The following ATP10D variants were observed in gnomAD, a reference collection of about 807,000 sequenced individuals.
ATP10D encodes the protein phospholipid-transporting ATPase VD.
In ATP10D, 89 loss-of-function variants were observed where a neutral mutation model predicts 144.8. The ratio of observed to expected loss-of-function variants is 0.61; its 90% CI spans 0.52 to 0.73. The LOEUF (loss-of-function observed/expected upper bound fraction) is 0.73, where lower values mean the gene tolerates loss of function less well. Ranked by LOEUF, ATP10D falls within the 30% of genes least tolerant of loss-of-function variation. The pLI, the probability that ATP10D is intolerant of heterozygous loss-of-function variation, is 0.00. For missense variants in ATP10D, 1,603 were observed against 1,714.8 expected, an observed-to-expected ratio of 0.93 and a Z score of 1.15; for synonymous variants, 571 against 615.1, an observed-to-expected ratio of 0.93 and a Z score of 1.06.
At chr4:47,504,891 A>C (rs1373113858) in intron 1 of ATP10D, among the ~76,000 whole-genome samples, 1 of 152,196 alleles carries the variant, frequency 6.6e-6, no homozygotes, top group African/African-American at 2.4e-5. Flanking sequence ...TTTATTGACT[A>C]TGATAGAGAA....
At chr4:47,532,713 G>A (rs4695243) in intron 5 of ATP10D, among the ~76,000 whole-genome samples, 103,967 of 152,064 alleles carry the variant, frequency 0.68, 36,172 homozygotes, top group East Asian at 0.98. Flanking sequence ...TGATCTTCAT[G>A]CTCTAAGGTA....
intron 6 of ATP10D, 79 bp downstream of exon 6, chr4:47,535,694 A>G: frequency 1.4e-6 from 2 of 1,471,770 alleles, no homozygotes; most frequent in Non-Finnish European, 1.8e-6. Context: ...CAAAAATGCA[A>G]TCTGTTGAAG....
At chr4:47,548,766 C>A (rs1000513584) in intron 10 of ATP10D, among the ~76,000 whole-genome samples, 1 of 152,144 alleles carries the variant, frequency 6.6e-6, no homozygotes, top group Non-Finnish European at 1.5e-5. Flanking sequence ...TTATGGTCTT[C>A]CTCAATGTAT....
At chr4:47,529,476 C>G (rs1717444353) in intron 5 of ATP10D, among the ~76,000 whole-genome samples, 1 of 152,090 alleles carries the variant, frequency 6.6e-6, no homozygotes, top group African/African-American at 2.4e-5. Flanking sequence ...TCTGGGTGCT[C>G]TATTCTTTTC....
In ATP10D at chr4:47,529,188, G is replaced by A. The variant is rs189908815; in HGVS notation, c.776+3546G>A. Reference sequence around the variant, plus strand: ...TTTTTGTTTTGTTGCATTTGCTTTCGAAGTCTTAATCATAAATTCTTTGGT... The same window carrying A: ...TTTTTGTTTTGTTGCATTTGCTTTCAAAGTCTTAATCATAAATTCTTTGGT... On this transcript the variant is annotated intron_variant, in intron 5 of 22. Coordinates refer to ENST00000273859, the MANE Select transcript of ATP10D (RefSeq NM_020453.4). 3.8e-3 allele frequency among the ~76,000 whole-genome samples: 577 copies of A among 152,068 alleles called. 5 individuals carry two copies. Among genetic ancestry groups the A allele is most frequent in the Middle Eastern group, 6.8e-3 (2 of 294 alleles).
rs372960268 is a variant in ATP10D at position 47,528,458 on chromosome 4, GGTGTGTGTGTGTGT to G, written c.776+2859_776+2872del. ...TTTTTATAGCTGAATAGTAGTCCAT[GGTGTGTGTGTGTGT>G]GTGTGTGTGTGTGTGTGTGTGTGTG... On this transcript the variant is annotated intron_variant, in intron 5 of 22. Coordinates refer to ENST00000273859, the MANE Select transcript of ATP10D (RefSeq NM_020453.4). 2.0e-3 allele frequency among the ~76,000 whole-genome samples: 233 copies of G among 116,106 alleles called. 1 individual carries two copies. The highest frequency in any genetic ancestry group is 2.5e-3 in the East Asian group (7 of 2,848). The allele number at this position is 116,106 out of a possible 152,430, so 76.2% of individuals were successfully genotyped here.
intron 22 of ATP10D, among the ~76,000 whole-genome samples, chr4:47,589,560 A>G (rs1446040799): frequency 1.3e-5 from 2 of 152,112 alleles, no homozygotes; most frequent in African/African-American, 4.8e-5. Flanking sequence ...TAGTTCCAAT[A>G]TTTTATTTTA....
chr4:47,584,185 G>A (rs1484929496), intron 21 of ATP10D, among the ~76,000 whole-genome samples: 1 of 151,938 alleles, frequency 6.6e-6, no homozygotes, highest in East Asian at 1.9e-4. Flanking sequence ...GTTAATAAAA[G>A]CCAGCCATTC....
In ATP10D at chr4:47,542,603, T is replaced by G. The variant is rs565458935; in HGVS notation, c.1397-4021T>G. On this transcript the variant is annotated intron_variant, in intron 9 of 22. Coordinates refer to ENST00000273859, the MANE Select transcript of ATP10D (RefSeq NM_020453.4). ...AGCAGCTCTCCTGCCTCAGCCTCCC[T>G]AGTAGCTGGGATTACAGGTGCCCGC... is the stretch of plus-strand genomic sequence containing the variant. Among the ~76,000 whole-genome samples the G allele has an allele frequency of 8.4e-3, 1,270 of 152,074 alleles. 21 individuals carry two copies. The highest frequency in any genetic ancestry group is 0.029 in the African/African-American group (1,185 of 41,498).
intron 14 of ATP10D, among the ~76,000 whole-genome samples, chr4:47,563,088 G>A (rs1719408690): frequency 1.3e-5 from 2 of 152,076 alleles, no homozygotes; most frequent in Admixed American, 1.3e-4. Flanking sequence ...GATAGGTCGG[G>A]GAGCAAGGGA....
At chr4:47,558,832 T>A in intron 12 of ATP10D, 91 bp from the exon 13 acceptor site, 1 of 1,041,184 alleles carries the variant, frequency 9.6e-7, no homozygotes, top group Non-Finnish European at 1.4e-6. Flanking sequence ...TATTTGTTTT[T>A]TTAGTGTGGA....
Position 47,573,651 on chromosome 4 carries a change from C to T in ATP10D, c.3366+654C>T, listed in dbSNP as rs578116034. Reference sequence around the variant, plus strand: ...TTTCAGTTTCCTTTTTTTATAAAATCATACGTAATCAGACGTAAGTATCTT... The same window carrying T: ...TTTCAGTTTCCTTTTTTTATAAAATTATACGTAATCAGACGTAAGTATCTT... On this transcript the variant is annotated intron_variant, in intron 18 of 22. Transcript: ENST00000273859. Among the ~76,000 whole-genome samples, 4 of 152,252 alleles carry T rather than the reference C, an allele frequency of 2.6e-5. No individual in the cohort carries two copies. In the East Asian group the frequency reaches 7.7e-4, roughly 29 times the overall value.
chr4:47,571,763 A>G (rs1719965705), intron 16 of ATP10D, among the ~76,000 whole-genome samples: 1 of 152,234 alleles, frequency 6.6e-6, no homozygotes, highest in South Asian at 2.1e-4. Flanking sequence ...GATTTCCCAG[A>G]GGAAATGACA....
At chr4:47,524,476 A>T (rs1717131301) in intron 4 of ATP10D, among the ~76,000 whole-genome samples, 1 of 152,184 alleles carries the variant, frequency 6.6e-6, no homozygotes, top group South Asian at 2.1e-4. Flanking sequence ...TGCACTACTT[A>T]ACGTTCTGTT....
intron 1 of ATP10D, among the ~76,000 whole-genome samples, chr4:47,493,971 G>C (rs1276242639): frequency 6.6e-6 from 1 of 152,092 alleles, no homozygotes; most frequent in Admixed American, 6.6e-5. Context: ...CTCTGGGAAA[G>C]GGGATTTCAT....
At chr4:47,520,628 G>A (rs1716897935) in intron 3 of ATP10D, among the ~76,000 whole-genome samples, 1 of 151,942 alleles carries the variant, frequency 6.6e-6, no homozygotes. Context: ...GAGTGCAGTG[G>A]CGCAACCTTG....
chr4:47,495,649 G>GATTATAC (rs1441303357), intron 1 of ATP10D, among the ~76,000 whole-genome samples: 18 of 151,776 alleles, frequency 1.2e-4, no homozygotes, highest in African/African-American at 3.4e-4. Context: ...TCATAGTTGA[G>GATTATAC]ATTATACTTG....
chr4:47,562,324 A>G (rs776800486), intron 14 of ATP10D, among the ~76,000 whole-genome samples: 1 of 152,190 alleles, frequency 6.6e-6, no homozygotes, highest in African/African-American at 2.4e-5. Flanking sequence ...AACACTGCAA[A>G]TAGACATTGT....
At position 47,593,316 on chromosome 4, in the gene ATP10D, C is replaced by T. The variant is rs542435973; in HGVS notation, c.*1935C>T. 11 of 152,138 alleles carry T rather than the reference C, an allele frequency of 7.2e-5. No homozygotes were observed. Among genetic ancestry groups the T allele is most frequent in the Admixed American group, 3.3e-4 (5 of 15,270 alleles). The allele number at this position is 152,138 out of a possible 1,614,324, so 9.4% of individuals were successfully genotyped here. The stretch of plus-strand genomic sequence containing the variant: ...ACTGAAATATTTTTCATAAATTAGG[C>T]GTAAATTCTATGCCCTGAACAAATG... On this transcript the variant is annotated 3_prime_UTR_variant, in exon 23 of 23. Coordinates refer to ENST00000273859, the MANE Select transcript of ATP10D (RefSeq NM_020453.4).
Sources: gnomAD v4.1 joint callset for allele counts (sites outside exome capture counted in the v4.1 genomes callset) on GRCh38, gnomAD v4.1.1 for gene constraint, MANE v1.5 for transcripts, NCBI Gene and HGNC (gene_info 2026-07-23, HGNC 2026-07-21) for gene names.